The following KRT8 variants were observed in gnomAD, a reference collection of about 807,000 sequenced individuals.
KRT8 encodes keratin 8.
In KRT8, 24 loss-of-function variants were observed where a neutral mutation model predicts 43.0. The observed-to-expected ratio is 0.56, with a 90% CI of 0.40 to 0.78. The LOEUF (loss-of-function observed/expected upper bound fraction) is 0.78. Among genes scored for constraint, KRT8 ranks in the 30% least tolerant of loss-of-function variants. The probability of loss-of-function intolerance (pLI) is 0.00; values close to 1 mark genes in which losing one functional copy is unlikely to be tolerated. For synonymous variants in KRT8, 214 were observed against 261.2 expected (o/e 0.82, Z 1.74); for missense variants, 492 against 638.4 (o/e 0.77, Z 2.47).
chr12:52,897,550 C>T lies in KRT8; in HGVS notation c.1330G>A (p.Gly444Ser). The change falls in exon 8 of 8, where the codon GGC (glycine) becomes AGC (serine). Residue 444 changes from glycine (G) to serine (S), a missense_variant. Coordinates refer to ENST00000692008, the Ensembl canonical transcript of KRT8. ...AAGGAGCTGGAGCCCGCGCCAGAGCCAAAGCTGGAGCCCAGGCTGTAGCTG... is the reference window on the plus strand; with the variant it reads ...AAGGAGCTGGAGCCCGCGCCAGAGCTAAAGCTGGAGCCCAGGCTGTAGCTG... The T allele has an allele frequency of 1.9e-6, 3 of 1,597,314 alleles. No homozygotes were observed. The highest frequency in any genetic ancestry group is 1.1e-5 in the South Asian group (1 of 90,996).
chr12:52,905,204 G>A (rs1941487637), upstream of KRT8: 2 of 730,466 alleles, frequency 2.7e-6, no homozygotes, highest in South Asian at 4.7e-5. Flanking sequence ...TCAGGTGGGG[G>A]CAGCAGAGAG....
intron 2 of KRT8, among the ~76,000 whole-genome samples, chr12:52,924,184 CAT>C (rs1382781494): frequency 6.6e-6 from 1 of 152,084 alleles, no homozygotes; most frequent in African/African-American, 2.4e-5. Flanking sequence ...CGCAGTGGCT[CAT>C]GCCTGTAATC....
intron 2 of KRT8, among the ~76,000 whole-genome samples, chr12:52,939,006 GC>G (rs1469043791): frequency 1.3e-5 from 2 of 151,990 alleles, no homozygotes; most frequent in African/African-American, 4.8e-5. Context: ...TATCACTTGG[GC>G]ACAGGAGTTC....
intron 2 of KRT8, among the ~76,000 whole-genome samples, chr12:52,921,795 C>G (rs1325312243): frequency 6.6e-6 from 1 of 152,136 alleles, no homozygotes; most frequent in Non-Finnish European, 1.5e-5. Flanking sequence ...GGTGGTAAAG[C>G]TTTTAATTCT....
intron 2 of KRT8, among the ~76,000 whole-genome samples, chr12:52,924,763 C>G (rs10735848): frequency 0.72 from 109,531 of 152,116 alleles, 40,306 homozygotes; most frequent in African/African-American, 0.88. Flanking sequence ...ATTCACCGTT[C>G]CTTCTGTCTT....
Position 52,912,172 on chromosome 12 carries a change from T to C in KRT8, c.-46-7145A>G, listed in dbSNP as rs571792442. Among the ~76,000 whole-genome samples, 5 of 152,214 alleles carry C rather than the reference T, an allele frequency of 3.3e-5. No homozygotes were observed. The South Asian group carries it at 1.0e-3, about 32-fold the overall frequency. On this transcript the variant is annotated intron_variant, in intron 2 of 6. Coordinates refer to the KRT8 transcript ENST00000546826. ...GAAAGGGACTGAGGGCGGGCACATT[T>C]TGATGGAAAGAGGAGCAGAGTCACA...
intron 2 of KRT8, among the ~76,000 whole-genome samples, chr12:52,918,182 A>AGAAGAAGG (rs1941800822): frequency 9.6e-6 from 1 of 104,414 alleles, no homozygotes; most frequent in Non-Finnish European, 1.9e-5. Flanking sequence ...GAGGAAGAGG[A>AGAAGAAGG]AGAAGAAGAA....
intron 7 of KRT8, 36 bp from the exon 8 acceptor site, chr12:52,897,654 A>G: frequency 3.8e-6 from 6 of 1,597,578 alleles, no homozygotes; most frequent in Non-Finnish European, 5.1e-6. Flanking sequence ...TGAGTACAGA[A>G]GCCCACCCCA....
At chr12:52,927,206 C>T (rs889480855) in intron 2 of KRT8, among the ~76,000 whole-genome samples, 18 of 152,208 alleles carry the variant, frequency 1.2e-4, no homozygotes, top group African/African-American at 4.3e-4. Flanking sequence ...GACCCCTTCA[C>T]CTTCACCACC....
intron 1 of KRT8, among the ~76,000 whole-genome samples, chr12:52,904,087 T>C (rs1941449281): frequency 6.6e-6 from 1 of 151,496 alleles, no homozygotes; most frequent in Admixed American, 6.6e-5. Context: ...AGACACCCAC[T>C]TCCTTCTCCT....
intron 2 of KRT8, among the ~76,000 whole-genome samples, chr12:52,939,363 G>T (rs1345408856): frequency 6.6e-6 from 1 of 152,038 alleles, no homozygotes; most frequent in African/African-American, 2.4e-5. Context: ...AATTAGCCTG[G>T]TGTGGTGGCA....
intron 2 of KRT8, among the ~76,000 whole-genome samples, chr12:52,939,878 G>C (rs1423527308): frequency 1.3e-5 from 2 of 151,070 alleles, no homozygotes; most frequent in Non-Finnish European, 3.0e-5. Flanking sequence ...TTGGGGTCAG[G>C]AGCTCAGGCC....
At chr12:52,904,541 C>T in intron 1 of KRT8, 117 bp downstream of exon 1, 1 of 969,690 alleles carries the variant, frequency 1.0e-6, no homozygotes, top group Non-Finnish European at 1.6e-6. Flanking sequence ...GAGAGTGTCG[C>T]CAGGGCGGGT....
intron 2 of KRT8, among the ~76,000 whole-genome samples, chr12:52,940,597 T>A (rs1942251586): frequency 6.7e-6 from 1 of 149,934 alleles, no homozygotes; most frequent in African/African-American, 2.5e-5. Flanking sequence ...GGGTGAGCAA[T>A]GAACTTGACT....
intron 2 of KRT8, chr12:52,949,096 T>A: frequency 7.5e-7 from 1 of 1,325,992 alleles, no homozygotes; most frequent in Non-Finnish European, 1.1e-6. Flanking sequence ...GCGATATAAC[T>A]CGGGTCGCGC....
rs386834221 is a variant in KRT8 at position 52,898,848 on chromosome 12, C to A, written c.1033G>T (p.Ala345Ser). The change falls in exon 6 of 8, where the codon GCC becomes TCC. Residue 345 changes from alanine to serine, a missense_variant. Physicochemically the swap from Ala to Ser is moderately conservative, Grantham distance 99. Around this residue, in one of 3 missense-constraint regions of KRT8, gnomAD observed 389 missense variants for 485.7 expected, o/e 0.80. Coordinates refer to ENST00000692008, the Ensembl canonical transcript of KRT8. ...AACTTGGCGTTGGCATCCTTAATGG[C>A]CAGCTCTCCACGCTGCTCGGCATCT... 3.8e-5 allele frequency: 62 copies of A among 1,613,450 alleles called. No individual in the cohort carries two copies. In the African/African-American group the frequency reaches 7.9e-4, roughly 20 times the overall value.
intron 2 of KRT8, among the ~76,000 whole-genome samples, chr12:52,927,688 G>C (rs1565729377): frequency 6.6e-6 from 1 of 152,210 alleles, no homozygotes; most frequent in Admixed American, 6.5e-5. Flanking sequence ...AGTCCTGAGG[G>C]GGAAGCCACC....
chr12:52,932,044 G>C (rs372674710), intron 2 of KRT8, among the ~76,000 whole-genome samples: 1 of 151,534 alleles, frequency 6.6e-6, no homozygotes, highest in African/African-American at 2.4e-5. Context: ...TAATCTGCCC[G>C]CCTCTGCTTC....
At chr12:52,938,151 TATATATATATATATATATA>T (rs1301444385) in intron 2 of KRT8, among the ~76,000 whole-genome samples, 2,349 of 36,516 alleles carry the variant, frequency 0.064, 159 homozygotes, top group East Asian at 0.19. Flanking sequence ...TATATATATA[TATATATATATATATATATA>T]TTTTTTTTTT....
Sources: allele counts gnomAD v4.1 joint callset (sites outside exome capture counted in the v4.1 genomes callset), GRCh38; gene constraint gnomAD v4.1.1; regional missense constraint gnomAD v4.1.1; transcripts MANE v1.5; gene names NCBI Gene and HGNC (gene_info 2026-07-23, HGNC 2026-07-21).